AKAP7: variants seen among roughly 807,000 people sequenced by gnomAD.
AKAP7 encodes A-kinase anchoring protein 7, also known as A kinase (PRKA) anchor protein 7.
Under a neutral mutation model 39.5 loss-of-function variants are expected in AKAP7, and 39 were observed. The ratio of observed to expected loss-of-function variants is 0.99; its 90% CI spans 0.76 to 1.29. The LOEUF is 1.29. AKAP7 is among the 50% of genes most tolerant of loss of function. AKAP7 has a pLI of 0.00. For missense variants in AKAP7, 414 were observed against 407.7 expected (o/e 1.02, Z -0.13); for synonymous variants, 140 against 139.1 (o/e 1.01, Z -0.05).
Position 131,165,228 on chromosome 6 carries a change from T to C in AKAP7, c.428+11T>C. 2.5e-6 allele frequency: 4 copies of C among 1,583,070 alleles called. No individual in the cohort carries two copies. Among genetic ancestry groups the C allele is most frequent in the Non-Finnish European group, 3.4e-6 (4 of 1,164,056 alleles). On this transcript the variant is annotated intron_variant, in intron 4 of 7. Transcript: ENST00000431975. ...AGATGAAGTAAACATGTGAGTAATG[T>C]ATCTTTCTTAAATATAATTTTCCAA...
At position 131,212,821 on chromosome 6, in the gene AKAP7, T is replaced by A. The variant is rs184608936; in HGVS notation, c.703-6840T>A. Among the ~76,000 whole-genome samples the A allele has an allele frequency of 5.7e-3, 873 of 152,268 alleles. 32 individuals are homozygous for A. Among genetic ancestry groups the A allele is most frequent in the Admixed American group, 0.051 (775 of 15,290 alleles). On this transcript the variant is annotated intron_variant, in intron 6 of 7. Coordinates refer to ENST00000431975, the MANE Select transcript of AKAP7 (RefSeq NM_016377.4). ...TGGGAAAAGAGTCTAGGAAATTGAT[T>A]AGTTCATAAGAAAGTGAGAAAAGTA...
In AKAP7 at chr6:131,148,471, T is replaced by TCC. The variant is rs5880050; in HGVS notation, c.151+3063_151+3064dup. ...TGACACTTAAAGTGTGGATAAAAAT[T>TCC]CCCCCCCCCGTTTATCTCATAGTGT... On this transcript the variant is annotated intron_variant, in intron 2 of 7. Transcript: ENST00000431975. Among the ~76,000 whole-genome samples, 45 of 151,146 alleles carry TCC rather than the reference T, an allele frequency of 3.0e-4. 1 individual carries two copies. The South Asian group carries it at 8.7e-3, about 29-fold the overall frequency.
intron 7 of AKAP7, among the ~76,000 whole-genome samples, chr6:131,238,117 G>A (rs957624809): frequency 4.9e-4 from 75 of 152,016 alleles, no homozygotes; most frequent in African/African-American, 1.4e-3. Flanking sequence ...CTTTGTTCTC[G>A]TTGGTTTCAA....
At chr6:131,180,765 A>G (rs527646033) in intron 5 of AKAP7, among the ~76,000 whole-genome samples, 4 of 151,302 alleles carry the variant, frequency 2.6e-5, no homozygotes, top group African/African-American at 7.3e-5. Context: ...TATTCATACA[A>G]CTGAGGACTC....
At chr6:131,213,568 T>G (rs1288786159) in intron 6 of AKAP7, among the ~76,000 whole-genome samples, 1 of 152,094 alleles carries the variant, frequency 6.6e-6, no homozygotes, top group Non-Finnish European at 1.5e-5. Context: ...ACCACAAGAC[T>G]GTTCCAAGCC....
At position 131,241,623 on chromosome 6, in the gene AKAP7, G is replaced by GTATATATATA. The variant is rs1228757342; in HGVS notation, c.850+21816_850+21817insATATATATAT. Among the ~76,000 whole-genome samples, 46 of 68,572 alleles carry GTATATATATA rather than the reference G, an allele frequency of 6.7e-4. 1 individual carries two copies. Among genetic ancestry groups the GTATATATATA allele is most frequent in the Middle Eastern group, 8.8e-3 (1 of 114 alleles). 45.0% of individuals were successfully genotyped at this position (68,572 alleles called of 152,430 possible). A position where few individuals can be genotyped will look rare whatever the true frequency, so the allele number is the denominator to read the frequency against. On this transcript the variant is annotated intron_variant, in intron 7 of 7. Coordinates refer to ENST00000431975, the MANE Select transcript of AKAP7 (RefSeq NM_016377.4). The stretch of plus-strand genomic sequence containing the variant: ...TGTGTGTGTGTGTGTGTGTGTGTGT[G>GTATATATATA]TGTGTATATATATATGACAGTTATA...
chr6:131,191,828 C>T (rs1328415521), intron 5 of AKAP7, among the ~76,000 whole-genome samples: 2 of 151,518 alleles, frequency 1.3e-5, no homozygotes, highest in Non-Finnish European at 2.9e-5. Flanking sequence ...CCTGCCTGGT[C>T]CTCTGGTCCT....
intron 7 of AKAP7, among the ~76,000 whole-genome samples, chr6:131,220,874 G>C (rs1346163280): frequency 1.3e-5 from 2 of 152,092 alleles, no homozygotes; most frequent in African/African-American, 2.4e-5. Flanking sequence ...ATTCATATAA[G>C]ATAGCAAACC....
intron 2 of AKAP7, among the ~76,000 whole-genome samples, chr6:131,156,063 C>A (rs1290624491): frequency 6.6e-6 from 1 of 152,184 alleles, no homozygotes; most frequent in Non-Finnish European, 1.5e-5. Flanking sequence ...CTATCCAGTG[C>A]TGCCTCTATA....
chr6:131,253,167 T>G (rs1812579713), intron 7 of AKAP7: 5 of 1,462,874 alleles, frequency 3.4e-6, no homozygotes, highest in Non-Finnish European at 4.8e-6. Context: ...TGCCGTTTGG[T>G]GGTGGTGGTA....
intron 7 of AKAP7, among the ~76,000 whole-genome samples, chr6:131,226,867 T>C (rs1176364932): frequency 6.6e-6 from 1 of 152,216 alleles, no homozygotes; most frequent in Non-Finnish European, 1.5e-5. Context: ...GCTTAATAAT[T>C]ATTATTCAAC....
chr6:131,134,672 G>GA (rs1800409859), upstream of AKAP7, among the ~76,000 whole-genome samples: 3 of 152,208 alleles, frequency 2.0e-5, no homozygotes, highest in Non-Finnish European at 1.5e-5. Flanking sequence ...AGAATTATTT[G>GA]AAAATCAGAG....
chr6:131,186,666 C>A (rs1450279291), intron 5 of AKAP7, among the ~76,000 whole-genome samples: 1 of 152,174 alleles, frequency 6.6e-6, no homozygotes, highest in East Asian at 1.9e-4. Context: ...ACAGATGACA[C>A]CTTGCTACTG....
At position 131,135,515 on chromosome 6, in the gene AKAP7, C is replaced by CGGG. The variant is rs982065246; in HGVS notation, c.-247_-246insGGG. 6.7e-6 allele frequency among the ~76,000 whole-genome samples: 1 copy of CGGG among 149,666 alleles called. No homozygotes were observed. Among genetic ancestry groups the CGGG allele is most frequent in the Admixed American group, 6.6e-5 (1 of 15,088 alleles). ...TGGCATGCGGGTGCTGCGGCTGCTG[C>CGGG]GGCTGCCGCCGCCGCTGCTGCCGCT... On this transcript the variant is annotated 5_prime_UTR_variant, in exon 1 of 8. Transcript: ENST00000431975.
intron 5 of AKAP7, among the ~76,000 whole-genome samples, chr6:131,176,890 G>A (rs1446636121): frequency 2.0e-5 from 3 of 152,132 alleles, no homozygotes; most frequent in Non-Finnish European, 4.4e-5. Context: ...CTTCAGAAAC[G>A]TAAAAATAAC....
At chr6:131,159,667 TA>T (rs1802762417) in intron 2 of AKAP7, among the ~76,000 whole-genome samples, 1 of 152,210 alleles carries the variant, frequency 6.6e-6, no homozygotes, top group Non-Finnish European at 1.5e-5. Context: ...CAAACATACC[TA>T]TACAGGATGG....
At chr6:131,225,083 T>A (rs1004216624) in intron 7 of AKAP7, among the ~76,000 whole-genome samples, 2 of 152,070 alleles carry the variant, frequency 1.3e-5, no homozygotes, top group African/African-American at 4.8e-5. Context: ...CATATTTTCC[T>A]GTTCTATTCT....
Position 131,145,377 on chromosome 6 carries a change from A to C in AKAP7, c.112A>C (p.Met38Leu), listed in dbSNP as rs1004653869. 8.3e-6 allele frequency: 13 copies of C among 1,567,052 alleles called. No homozygotes were observed. Among genetic ancestry groups the C allele is most frequent in the Non-Finnish European group, 8.7e-6 (10 of 1,156,054 alleles). The change falls in exon 2 of 8, where the codon ATG becomes CTG. Residue 38 changes from methionine (M) to leucine (L), a missense_variant. Coordinates refer to ENST00000431975, the MANE Select transcript of AKAP7 (RefSeq NM_016377.4). ...EANTMDSLVD[M>L]PFATVDIQDD... ...CAATACTATGGATTCTCTGGTAGACATGCCATTTGCTACTGTAGATATTCA... is the reference window on the plus strand; with the variant it reads ...CAATACTATGGATTCTCTGGTAGACCTGCCATTTGCTACTGTAGATATTCA...
chr6:131,156,449 G>A (rs1802424690), intron 2 of AKAP7, among the ~76,000 whole-genome samples: 1 of 151,936 alleles, frequency 6.6e-6, no homozygotes, highest in Non-Finnish European at 1.5e-5. Flanking sequence ...ACCAGCCTGG[G>A]CAACATAGTG....
Sources: gnomAD v4.1 joint callset for allele counts (sites outside exome capture counted in the v4.1 genomes callset) on GRCh38, gnomAD v4.1.1 for gene constraint, MANE v1.5 for transcripts, NCBI Gene and HGNC (gene_info 2026-07-23, HGNC 2026-07-21) for gene names.